The following RBFOX1 variants were observed in gnomAD, a reference collection of about 807,000 sequenced individuals.
RBFOX1 encodes RNA binding fox-1 homolog 1, also known as RNA binding protein fox-1 homolog 1.
In RBFOX1, 8 loss-of-function variants were observed where a neutral mutation model predicts 57.7. The ratio of observed to expected loss-of-function variants is 0.14; its 90% confidence interval spans 0.08 to 0.25. RBFOX1 has a LOEUF of 0.25. RBFOX1 is among the 10% of genes least tolerant of loss of function. The pLI is 1.00. For synonymous variants in RBFOX1, 326 were observed against 222.4 expected (o/e 1.47, Z -4.15); for missense variants, 611 against 548.5 (o/e 1.11, Z -1.14).
At chr16:7,149,967 C>G (rs1482535693) in intron 4 of RBFOX1, among the ~76,000 whole-genome samples, 1 of 152,138 alleles carries the variant, frequency 6.6e-6, no homozygotes, top group African/African-American at 2.4e-5. Flanking sequence ...CATACTCAGA[C>G]TTTTATGTAT....
intron 10 of RBFOX1, among the ~76,000 whole-genome samples, chr16:7,627,158 T>A (rs2060203856): frequency 7.6e-6 from 1 of 130,878 alleles, no homozygotes; most frequent in African/African-American, 3.1e-5. Context: ...TTGAACCACA[T>A]GAACTTGGCA....
At chr16:7,465,947 G>A (rs2060441589) in intron 4 of RBFOX1, among the ~76,000 whole-genome samples, 1 of 152,194 alleles carries the variant, frequency 6.6e-6, no homozygotes, top group South Asian at 2.1e-4. Context: ...TTAAAAGAAT[G>A]ACAGACTGGA....
At position 7,066,665 on chromosome 16, in the gene RBFOX1, A is replaced by T. The variant is rs75884520; in HGVS notation, c.27+14567A>T. On this transcript the variant is annotated intron_variant, in intron 4 of 15. Transcript: ENST00000550418. ...CCCAAAACTATAGCAGCAATTATAG[A>T]AATCTATGTGTTCTAATTTAAGGTC... 3.2e-4 allele frequency among the ~76,000 whole-genome samples: 49 copies of T among 152,314 alleles called. No homozygotes were observed. The East Asian group carries it at 8.5e-3, about 26-fold the overall frequency.
intron 4 of RBFOX1, among the ~76,000 whole-genome samples, chr16:6,008,783 T>C (rs1350637363): frequency 6.6e-6 from 1 of 152,248 alleles, no homozygotes; most frequent in Non-Finnish European, 1.5e-5. Flanking sequence ...TGTCCTGTGC[T>C]GTTCTGTGTT....
chr16:5,565,941 TG>T (rs917397985), intron 2 of RBFOX1, among the ~76,000 whole-genome samples: 4 of 151,968 alleles, frequency 2.6e-5, no homozygotes, highest in Non-Finnish European at 5.9e-5. Context: ...AATTGAAGCA[TG>T]GGGGGCAGTT....
At chr16:7,177,758 T>C (rs910103649) in intron 4 of RBFOX1, among the ~76,000 whole-genome samples, 1 of 152,216 alleles carries the variant, frequency 6.6e-6, no homozygotes, top group African/African-American at 2.4e-5. Context: ...TCTTTTGGTC[T>C]CCGCTGCAAC....
At chr16:7,567,625 ATATATATATATCCCTATATATGGCCC>A (rs1172550671) in intron 5 of RBFOX1, among the ~76,000 whole-genome samples, 6 of 78,082 alleles carry the variant, frequency 7.7e-5, no homozygotes, top group Non-Finnish European at 1.1e-4. Flanking sequence ...GGCCCTATAT[ATATATATATATCCCTATATATGGCCC>A]TATATATATA....
rs139047695 is a variant in RBFOX1 at position 6,224,510 on chromosome 16, C to G, written c.-126-92485C>G. On this transcript the variant is annotated intron_variant, in intron 1 of 15. Transcript: ENST00000550418. ...GGACCACACTTGGAGTAGTAAGATG[C>G]TCGATTCATTATGTGAGAACAAAAA... is the stretch of plus-strand genomic sequence containing the variant. 6.5e-4 allele frequency among the ~76,000 whole-genome samples: 99 copies of G among 152,176 alleles called. 1 individual carries two copies. Among genetic ancestry groups the G allele is most frequent in the African/African-American group, 2.3e-3 (97 of 41,530 alleles).
intron 3 of RBFOX1, among the ~76,000 whole-genome samples, chr16:6,789,394 A>T (rs2082521776): frequency 6.6e-6 from 1 of 152,164 alleles, no homozygotes; most frequent in Non-Finnish European, 1.5e-5. Flanking sequence ...CTAGGTGTTA[A>T]TATCAATTTT....
In RBFOX1 at chr16:7,139,176, C is replaced by CTCTCTCTCTGTGTG. The variant is rs372381673; in HGVS notation, c.27+87079_27+87080insCTCTCTCTGTGTGT. Among the ~76,000 whole-genome samples, 1,087 of 145,880 alleles carry CTCTCTCTCTGTGTG rather than the reference C, an allele frequency of 7.5e-3. 8 individuals are homozygous for CTCTCTCTCTGTGTG. The highest frequency in any genetic ancestry group is 0.013 in the Admixed American group (187 of 14,654). Reference sequence around the variant, plus strand: ...TAATGCAGATGAAATCAATCTCTCTCTGTGTGTGTGTGTGTGTGTGTATGT... The same window carrying CTCTCTCTCTGTGTG: ...TAATGCAGATGAAATCAATCTCTCTCTCTCTCTCTGTGTGTGTGTGTGTGTGTGTGTGTGTATGT... On this transcript the variant is annotated intron_variant, in intron 4 of 15. Coordinates refer to ENST00000550418, the MANE Select transcript of RBFOX1 (RefSeq NM_018723.4).
chr16:5,300,828 G>A (rs757027961), intron 1 of RBFOX1, among the ~76,000 whole-genome samples: 8 of 152,036 alleles, frequency 5.3e-5, no homozygotes, highest in South Asian at 2.1e-4. Context: ...GTAAAATGTC[G>A]TTCATTTTGT....
chr16:7,210,239 G>A (rs1375105354), intron 4 of RBFOX1, among the ~76,000 whole-genome samples: 1 of 152,184 alleles, frequency 6.6e-6, no homozygotes, highest in East Asian at 1.9e-4. Flanking sequence ...TTTATTGCAA[G>A]GGAGTACTTA....
intron 9 of RBFOX1, among the ~76,000 whole-genome samples, chr16:7,599,788 A>G (rs1165528604): frequency 2.4e-5 from 3 of 123,748 alleles, no homozygotes; most frequent in South Asian, 3.0e-4. Context: ...ACATGCCACA[A>G]TGCCTGGCTA....
chr16:5,625,216 T>TA (rs2048313937), intron 3 of RBFOX1, among the ~76,000 whole-genome samples: 1 of 139,314 alleles, frequency 7.2e-6, no homozygotes, highest in African/African-American at 3.2e-5. Flanking sequence ...GGGCAGGATA[T>TA]TTTTTTTTCT....
chr16:7,072,624 C>G lies in RBFOX1; in HGVS notation c.27+20526C>G, dbSNP rs546570273. 4.6e-5 allele frequency among the ~76,000 whole-genome samples: 7 copies of G among 152,260 alleles called. No individual in the cohort carries two copies. In the East Asian group the frequency reaches 1.2e-3, roughly 25 times the overall value. ...AGATAACCGTTATTCTAGAAAGCTG[C>G]CCTAGGAAGAGATTTCAGAATATTT... On this transcript the variant is annotated intron_variant, in intron 4 of 15. Coordinates refer to ENST00000550418, the MANE Select transcript of RBFOX1 (RefSeq NM_018723.4).
intron 1 of RBFOX1, among the ~76,000 whole-genome samples, chr16:5,362,432 A>G (rs62017696): frequency 0.058 from 8,892 of 152,252 alleles, 364 homozygotes; most frequent in African/African-American, 0.1. Context: ...GCGCGATCTC[A>G]GCTCACCGCA....
chr16:6,584,116 A>T (rs1244378386), intron 2 of RBFOX1, among the ~76,000 whole-genome samples: 1 of 151,924 alleles, frequency 6.6e-6, no homozygotes, highest in Non-Finnish European at 1.5e-5. Flanking sequence ...TAACCAAGTC[A>T]GAGTCTCCTA....
intron 1 of RBFOX1, among the ~76,000 whole-genome samples, chr16:6,128,420 C>T (rs991085777): frequency 6.6e-6 from 1 of 152,156 alleles, no homozygotes; most frequent in African/African-American, 2.4e-5. Context: ...TAAGGCTACT[C>T]TTTTTAAGCA....
At chr16:7,151,146 C>A (rs1268310198) in intron 4 of RBFOX1, among the ~76,000 whole-genome samples, 1 of 152,056 alleles carries the variant, frequency 6.6e-6, no homozygotes, top group African/African-American at 2.4e-5. Flanking sequence ...AAACTTATCC[C>A]AAAAGAAAGA....
Sources: allele counts gnomAD v4.1 joint callset (sites outside exome capture counted in the v4.1 genomes callset), GRCh38; gene constraint gnomAD v4.1.1; transcripts MANE v1.5; gene names NCBI Gene and HGNC (gene_info 2026-07-23, HGNC 2026-07-21).